Variants in LRRC2 observed in about 807,000 individuals in gnomAD.
LRRC2 encodes the protein leucine-rich repeat-containing protein 2.
LRRC2 carries 27 observed loss-of-function variants against 40.2 expected under a neutral mutation model. The ratio of observed to expected loss-of-function variants is 0.67; its 90% CI spans 0.49 to 0.93. The LOEUF is 0.93. Among genes scored for constraint, LRRC2 ranks in the 40% least tolerant of loss-of-function variants. The probability of loss-of-function intolerance (pLI) is 0.00; values close to 1 mark genes in which losing one functional copy is unlikely to be tolerated. For synonymous variants in LRRC2, 147 were observed against 158.9 expected, an observed-to-expected ratio of 0.92 and a Z score of 0.56; for missense variants, 402 against 439.6, an observed-to-expected ratio of 0.91 and a Z score of 0.76.
At chr3:46,538,078 T>A (rs1326331059) in intron 4 of LRRC2, among the ~76,000 whole-genome samples, 2 of 152,188 alleles carry the variant, frequency 1.3e-5, no homozygotes, top group Non-Finnish European at 2.9e-5. Context: ...CCTTGTAGTC[T>A]TGACACAGCC....
At chr3:46,565,539 T>C (rs1053325815) in intron 1 of LRRC2, among the ~76,000 whole-genome samples, 5 of 152,196 alleles carry the variant, frequency 3.3e-5, no homozygotes, top group African/African-American at 1.2e-4. Context: ...CTGGCATGAT[T>C]AGCAGAGGTT....
chr3:46,530,777 C>A (rs1164699962), intron 5 of LRRC2, among the ~76,000 whole-genome samples: 2 of 152,176 alleles, frequency 1.3e-5, no homozygotes. Context: ...ACAAGAAAGA[C>A]CTGCTCCCAT....
rs774166054 is a variant in LRRC2 at position 46,534,468 on chromosome 3, CTTT to C, written c.491-1562_491-1560del. On this transcript the variant is annotated intron_variant, in intron 4 of 8. Transcript: ENST00000395905. ...TCTTTCTTTCTTTCTTTCTTTCTTT[CTTT>C]GTTTCTTTCTTTCTTTCTAGCAGCC... is the stretch of plus-strand genomic sequence containing the variant. 3.0e-4 allele frequency among the ~76,000 whole-genome samples: 40 copies of C among 133,954 alleles called. 4 individuals carry two copies. The highest frequency in any genetic ancestry group is 2.2e-3 in the Admixed American group (29 of 13,192). 87.9% of individuals were successfully genotyped at this position (133,954 alleles called of 152,430 possible). A position where few individuals can be genotyped will look rare whatever the true frequency, so the allele number is the denominator to read the frequency against.
At chr3:46,555,329 G>C (rs1482311277) in intron 1 of LRRC2, among the ~76,000 whole-genome samples, 1 of 152,042 alleles carries the variant, frequency 6.6e-6, no homozygotes, top group Non-Finnish European at 1.5e-5. Flanking sequence ...TTTAATTGAT[G>C]TATGTATGCC....
intron 6 of LRRC2, among the ~76,000 whole-genome samples, chr3:46,528,368 C>A (rs1704095925): frequency 6.6e-6 from 1 of 151,508 alleles, no homozygotes; most frequent in South Asian, 2.1e-4. Flanking sequence ...TAGCTTTAAG[C>A]AATCCTCCTT....
At chr3:46,554,165 A>C (rs185571755) in intron 1 of LRRC2, among the ~76,000 whole-genome samples, 1 of 152,160 alleles carries the variant, frequency 6.6e-6, no homozygotes, top group East Asian at 1.9e-4. Flanking sequence ...GACTACAGAC[A>C]TGCGCCACTA....
intron 5 of LRRC2, 112 bp downstream of exon 5, chr3:46,532,661 T>C: frequency 8.7e-7 from 1 of 1,154,288 alleles, no homozygotes; most frequent in Non-Finnish European, 1.2e-6. Context: ...CAGGAAAAGG[T>C]GATATAATAA....
chr3:46,549,226 G>A (rs1235052955), intron 2 of LRRC2, among the ~76,000 whole-genome samples: 1 of 152,156 alleles, frequency 6.6e-6, no homozygotes, highest in Non-Finnish European at 1.5e-5. Flanking sequence ...CCAAATAGTT[G>A]CCTTTTATAA....
chr3:46,563,882 T>C (rs1319713527), intron 1 of LRRC2, among the ~76,000 whole-genome samples: 2 of 152,186 alleles, frequency 1.3e-5, no homozygotes, highest in Non-Finnish European at 2.9e-5. Flanking sequence ...GCTATGGCCA[T>C]CAAATGAGGG....
chr3:46,546,174 C>T (rs1177676338), intron 2 of LRRC2, among the ~76,000 whole-genome samples: 1 of 152,256 alleles, frequency 6.6e-6, no homozygotes, highest in Non-Finnish European at 1.5e-5. Flanking sequence ...CAGGTGCAGA[C>T]TTGGTCTTCA....
At chr3:46,534,638 A>G (rs1704239593) in intron 4 of LRRC2, among the ~76,000 whole-genome samples, 1 of 152,108 alleles carries the variant, frequency 6.6e-6, no homozygotes, top group Non-Finnish European at 1.5e-5. Context: ...AAATCCATAT[A>G]ATGATAATTT....
In LRRC2 at chr3:46,516,818, C is replaced by T. The variant is rs911355114; in HGVS notation, c.*2196G>A. 1 of 152,322 alleles carries T rather than the reference C, an allele frequency of 6.6e-6. No individual in the cohort carries two copies. The highest frequency in any genetic ancestry group is 1.5e-5 in the Non-Finnish European group (1 of 68,120). 9.4% of individuals were successfully genotyped at this position (152,322 alleles called of 1,614,324 possible). The stretch of plus-strand genomic sequence containing the variant: ...TGTGAACTCCATCCCCCAACCCCCT[C>T]GCTGGGGACATGCCCAGGTAGAACA... On this transcript the variant is annotated 3_prime_UTR_variant, in exon 9 of 9. Transcript: ENST00000395905.
chr3:46,540,540 A>T (rs1704365061), intron 3 of LRRC2, among the ~76,000 whole-genome samples: 1 of 151,990 alleles, frequency 6.6e-6, no homozygotes, highest in Non-Finnish European at 1.5e-5. Context: ...AAAAAAAAAA[A>T]ATTGATAGGC....
At chr3:46,528,979 TG>T (rs768633237) in intron 6 of LRRC2, among the ~76,000 whole-genome samples, 1 of 152,020 alleles carries the variant, frequency 6.6e-6, no homozygotes, top group African/African-American at 2.4e-5. Flanking sequence ...TAGCCAGGCA[TG>T]ATGGCACACA....
At chr3:46,531,953 T>G (rs896296874) in intron 5 of LRRC2, among the ~76,000 whole-genome samples, 123 of 152,316 alleles carry the variant, frequency 8.1e-4, no homozygotes, top group African/African-American at 2.9e-3. Flanking sequence ...TTAAAAATTG[T>G]TCACTTTTAT....
intron 5 of LRRC2, among the ~76,000 whole-genome samples, chr3:46,531,694 G>A (rs916277910): frequency 2.0e-5 from 3 of 152,120 alleles, no homozygotes; most frequent in Non-Finnish European, 2.9e-5. Flanking sequence ...ATGACCCCTG[G>A]CTGTGCACCC....
intron 2 of LRRC2, 188 bp downstream of exon 2, chr3:46,551,279 G>C (rs984466120): frequency 9.3e-6 from 5 of 538,068 alleles, no homozygotes; most frequent in African/African-American, 1.9e-5. Context: ...ATAACCATGG[G>C]TGTTGCTATC....
At chr3:46,538,620 G>A (rs1335240036) in intron 4 of LRRC2, among the ~76,000 whole-genome samples, 3 of 152,016 alleles carry the variant, frequency 2.0e-5, no homozygotes, top group African/African-American at 7.2e-5. Flanking sequence ...GGCAACAAGA[G>A]CGAAACTCCG....
At position 46,517,297 on chromosome 3, in the gene LRRC2, TA is replaced by T. The variant is rs1703881484; in HGVS notation, c.*1716del. On this transcript the variant is annotated 3_prime_UTR_variant, in exon 9 of 9. Transcript: ENST00000395905. ...CTGCTTGTTTTTGTTTTTTTTTTTT[TA>T]GTTATAACAATAATAATATTGTTAT... The T allele has an allele frequency of 2.0e-5, 3 of 150,832 alleles. No individual in the cohort carries two copies. Among genetic ancestry groups the T allele is most frequent in the African/African-American group, 4.9e-5 (2 of 41,014 alleles). The allele number at this position is 150,832 out of a possible 1,614,324, so 9.3% of individuals were successfully genotyped here. A position where few individuals can be genotyped will look rare whatever the true frequency, so the allele number is the denominator to read the frequency against.
Sources: gnomAD v4.1 joint callset for allele counts (sites outside exome capture counted in the v4.1 genomes callset) on GRCh38, gnomAD v4.1.1 for gene constraint, MANE v1.5 for transcripts, NCBI Gene and HGNC (gene_info 2026-07-23, HGNC 2026-07-21) for gene names.